SOX5: variants seen among roughly 807,000 people sequenced by gnomAD.
SOX5 encodes the protein SRY-box transcription factor 5, also known as transcription factor SOX-5.
A neutral mutation model predicts 92.0 loss-of-function variants in SOX5; 9 were observed. That is an observed-to-expected ratio of 0.10 (90% CI 0.06 to 0.17). The LOEUF (loss-of-function observed/expected upper bound fraction) is 0.17. Ranked by LOEUF, SOX5 falls within the 10% of genes least tolerant of loss-of-function variation. The pLI is 1.00. For missense variants in SOX5, 642 were observed against 944.5 expected (o/e 0.68, Z 4.20); for synonymous variants, 344 against 336.3 (o/e 1.02, Z -0.25).
intron 1 of SOX5, among the ~76,000 whole-genome samples, chr12:23,946,196 G>A (rs1295624651): frequency 6.6e-6 from 1 of 152,058 alleles, no homozygotes; most frequent in South Asian, 2.1e-4. Flanking sequence ...TCTGTTGTCT[G>A]CACCAATTTG....
chr12:24,476,514 G>A (rs1290302293), intron 1 of SOX5, among the ~76,000 whole-genome samples: 1 of 152,092 alleles, frequency 6.6e-6, no homozygotes, highest in Non-Finnish European at 1.5e-5. Context: ...TTTCAACAAC[G>A]AAAACTGTCC....
chr12:24,525,197 G>A (rs1022722492), intron 1 of SOX5, among the ~76,000 whole-genome samples: 1 of 152,144 alleles, frequency 6.6e-6, no homozygotes, highest in African/African-American at 2.4e-5. Flanking sequence ...ATACATACAA[G>A]GCAATATCAT....
At chr12:23,795,637 G>A (rs796929431) in intron 3 of SOX5, among the ~76,000 whole-genome samples, 6 of 152,058 alleles carry the variant, frequency 3.9e-5, no homozygotes, top group African/African-American at 1.4e-4. Context: ...CAAATAATCC[G>A]GGAAAACAGA....
intron 8 of SOX5, among the ~76,000 whole-genome samples, chr12:23,622,051 C>T (rs1292272465): frequency 6.6e-6 from 1 of 152,010 alleles, no homozygotes; most frequent in African/African-American, 2.4e-5. Flanking sequence ...TAAATGGAGG[C>T]CTTGGTGTAT....
At chr12:23,735,021 T>C (rs1018346720) in intron 5 of SOX5, among the ~76,000 whole-genome samples, 4 of 152,210 alleles carry the variant, frequency 2.6e-5, no homozygotes, top group African/African-American at 9.6e-5. Context: ...TGTCTGTTTT[T>C]CGAACATCCC....
intron 2 of SOX5, among the ~76,000 whole-genome samples, chr12:24,296,958 C>CAT (rs1947341215): frequency 7.3e-6 from 1 of 136,436 alleles, no homozygotes; most frequent in African/African-American, 2.7e-5. Flanking sequence ...CACACACACA[C>CAT]ACAAACACAG....
intron 3 of SOX5, among the ~76,000 whole-genome samples, chr12:24,233,229 A>T (rs1963775127): frequency 6.6e-6 from 1 of 152,256 alleles, no homozygotes; most frequent in African/African-American, 2.4e-5. Context: ...CAAGAAAAAT[A>T]GGATAAGGGT....
At chr12:23,946,664 C>G (rs1371217627) in intron 1 of SOX5, among the ~76,000 whole-genome samples, 2 of 152,006 alleles carry the variant, frequency 1.3e-5, no homozygotes, top group Non-Finnish European at 2.9e-5. Flanking sequence ...GGCGTTCATT[C>G]TAATGATGCT....
intron 3 of SOX5, among the ~76,000 whole-genome samples, chr12:23,845,467 C>T (rs555219180): frequency 5.8e-4 from 89 of 152,156 alleles, no homozygotes; most frequent in African/African-American, 2.0e-3. Flanking sequence ...AAAAGAAAGA[C>T]TTTCTGGAAG....
intron 4 of SOX5, among the ~76,000 whole-genome samples, chr12:24,115,760 A>T (rs928675268): frequency 3.9e-5 from 6 of 152,242 alleles, no homozygotes; most frequent in African/African-American, 1.4e-4. Context: ...TAGTCATAAC[A>T]ATGCAAATAG....
intron 7 of SOX5, among the ~76,000 whole-genome samples, chr12:23,652,830 C>A (rs1052145467): frequency 6.6e-6 from 1 of 152,086 alleles, no homozygotes; most frequent in Non-Finnish European, 1.5e-5. Flanking sequence ...GAAATTCGTT[C>A]TCTCTCTAGT....
At chr12:24,498,908 T>A (rs1189870631) in intron 1 of SOX5, among the ~76,000 whole-genome samples, 1 of 152,130 alleles carries the variant, frequency 6.6e-6, no homozygotes, top group African/African-American at 2.4e-5. Flanking sequence ...CACCAAAATT[T>A]CTCCTGGCAT....
chr12:23,956,900 G>A (rs1195800542), intron 4 of SOX5, among the ~76,000 whole-genome samples: 1 of 152,086 alleles, frequency 6.6e-6, no homozygotes, highest in Non-Finnish European at 1.5e-5. Context: ...CTGACCTCAG[G>A]TGATCTGCCC....
intron 4 of SOX5, among the ~76,000 whole-genome samples, chr12:24,171,611 T>C (rs183352969): frequency 6.9e-4 from 105 of 152,266 alleles, no homozygotes; most frequent in African/African-American, 2.0e-3. Flanking sequence ...ACGGCTTTCA[T>C]ATGCGCTTTC....
At chr12:24,133,429 T>C (rs1180281925) in intron 4 of SOX5, among the ~76,000 whole-genome samples, 2 of 152,192 alleles carry the variant, frequency 1.3e-5, no homozygotes, top group African/African-American at 2.4e-5. Flanking sequence ...TCTAATCAGA[T>C]AGGGTGAGGA....
At chr12:23,958,888 T>C (rs1463704323) in intron 4 of SOX5, among the ~76,000 whole-genome samples, 1 of 151,860 alleles carries the variant, frequency 6.6e-6, no homozygotes, top group East Asian at 1.9e-4. Context: ...AAGTAATATG[T>C]AGAAATCAAT....
chr12:24,190,241 C>T (rs568644610), intron 4 of SOX5, among the ~76,000 whole-genome samples: 37 of 152,116 alleles, frequency 2.4e-4, no homozygotes, highest in African/African-American at 8.0e-4. Context: ...GAAATGGATC[C>T]GCTAGAGAAA....
chr12:24,086,063 T>C (rs1171065668), intron 4 of SOX5, among the ~76,000 whole-genome samples: 3 of 152,104 alleles, frequency 2.0e-5, no homozygotes, highest in Non-Finnish European at 4.4e-5. Flanking sequence ...TCAGAAGTTT[T>C]CTTTTGCGTG....
At chr12:24,108,520 AATT>A (rs1167089592) in intron 4 of SOX5, among the ~76,000 whole-genome samples, 1 of 152,108 alleles carries the variant, frequency 6.6e-6, no homozygotes, top group African/African-American at 2.4e-5. Flanking sequence ...TTAACTCTCT[AATT>A]ATTTGTTCTA....
Sources: gnomAD v4.1 joint callset for allele counts (sites outside exome capture counted in the v4.1 genomes callset) on GRCh38, gnomAD v4.1.1 for gene constraint, MANE v1.5 for transcripts, NCBI Gene and HGNC (gene_info 2026-07-23, HGNC 2026-07-21) for gene names.